OR8J1: variants seen among roughly 807,000 people sequenced by gnomAD.
OR8J1 encodes olfactory receptor 8J1.
For synonymous variants in OR8J1, 157 were observed against 144.3 expected, an observed-to-expected ratio of 1.09 and a Z score of -0.63; for missense variants, 400 against 373.0, an observed-to-expected ratio of 1.07 and a Z score of -0.60.
chr11:56,354,435 CATT>C (rs1379158597), intron 1 of OR8J1, 110 bp downstream of exon 1: 1 of 152,066 alleles, frequency 6.6e-6, no homozygotes, highest in Non-Finnish European at 1.5e-5. Context: ...TTTTAAAGCT[CATT>C]ATACAGAAAT....
intron 1 of OR8J1, chr11:56,358,005 T>C (rs1852581906): frequency 8.3e-6 from 7 of 844,848 alleles, no homozygotes; most frequent in Non-Finnish European, 1.3e-5. Context: ...TCTCTCAATA[T>C]ATAAAGAACA....
intron 1 of OR8J1, among the ~76,000 whole-genome samples, chr11:56,359,265 C>T (rs1256183029): frequency 6.6e-6 from 1 of 151,816 alleles, no homozygotes; most frequent in African/African-American, 2.4e-5. Flanking sequence ...ATTAAAATAG[C>T]ATTTAAATTC....
Position 56,359,924 on chromosome 11 carries a change from G to A in OR8J1, c.-20-303G>A, listed in dbSNP as rs957372340. Among the ~76,000 whole-genome samples the A allele has an allele frequency of 2.0e-5, 3 of 152,098 alleles. No individual in the cohort carries two copies. The East Asian group carries it at 5.8e-4, about 29-fold the overall frequency. ...CAAATGATATAAAATATTAATTGTG[G>A]CTTCAAATGTTTGCAAACTAAGAAT... On this transcript the variant is annotated intron_variant, in intron 1 of 1. Transcript: ENST00000533152.
Position 56,361,218 on chromosome 11 carries a change from T to C in OR8J1, c.*21T>C, listed in dbSNP as rs200839909. ...TGTAATTTTAAACAGTACAGGTAAA[T>C]GAGGAGAGAGTTAATATAAGCTGCC... On this transcript the variant is annotated 3_prime_UTR_variant, in exon 2 of 2. Coordinates refer to ENST00000533152, the MANE Select transcript of OR8J1 (RefSeq NM_001005205.3). 1 of 1,027,506 alleles carries C rather than the reference T, an allele frequency of 9.7e-7. No homozygotes were observed. Among genetic ancestry groups the C allele is most frequent in the African/African-American group, 1.6e-5 (1 of 60,918 alleles). 63.6% of individuals were successfully genotyped at this position (1,027,506 alleles called of 1,614,324 possible).
chr11:56,358,375 C>T (rs1186574272), intron 1 of OR8J1, among the ~76,000 whole-genome samples: 6 of 152,082 alleles, frequency 3.9e-5, no homozygotes, highest in Non-Finnish European at 8.8e-5. Flanking sequence ...ATTAAGACCC[C>T]CTACCCCCTC....
At chr11:56,357,516 G>C in intron 1 of OR8J1, 1 of 848,774 alleles carries the variant, frequency 1.2e-6, no homozygotes, top group South Asian at 1.3e-5. Flanking sequence ...TTGTCAGATT[G>C]CTTATGGCTG....
intron 1 of OR8J1, among the ~76,000 whole-genome samples, chr11:56,359,165 AC>A (rs1852600349): frequency 6.6e-6 from 1 of 152,108 alleles, no homozygotes; most frequent in Admixed American, 6.5e-5. Flanking sequence ...CAACAGGGGA[AC>A]TATAAATTGT....
At chr11:56,358,809 C>A (rs573572389) in intron 1 of OR8J1, among the ~76,000 whole-genome samples, 105 of 152,068 alleles carry the variant, frequency 6.9e-4, no homozygotes, top group African/African-American at 2.5e-3. Context: ...GTGAAGTTTG[C>A]ACGTTACCAG....
rs757798830 is a variant in OR8J1 at position 56,360,551 on chromosome 11, G to A, written c.305G>A (p.Gly102Glu). Residue 102 changes from glycine to glutamate, a missense_variant, in exon 2 of 2, where the codon GGA becomes GAA. Physicochemically the swap from Gly to Glu is moderately conservative, Grantham distance 98. Coordinates refer to ENST00000533152, the MANE Select transcript of OR8J1 (RefSeq NM_001005205.3). ...TTCTATGAATGTGCCACCCAACTGG[G>A]AGGGTTCTTGTTCTTTATTGTATCG... ...TSFYECATQL[G>E]GFLFFIVSEV... is the part of the protein sequence containing the mutation. The A allele has an allele frequency of 6.2e-7, 1 of 1,614,072 alleles. No homozygotes were observed. Among genetic ancestry groups the A allele is most frequent in the Non-Finnish European group, 8.5e-7 (1 of 1,180,008 alleles).
rs1012456098 is a variant in OR8J1 at position 56,360,610 on chromosome 11, C to T, written c.364C>T (p.Arg122Cys). ...CATGCTGGCTTTGATGGCCTATGAC[C>T]GCTATGTGGCTATTTGTAACCCTCT... ...VIMLALMAYD[R>C]YVAICNPLLY... The change falls in exon 2 of 2, where the codon CGC becomes TGC. Residue 122 changes from arginine to cysteine, a missense_variant. Physicochemically the swap from Arg to Cys is radical, Grantham distance 180. Coordinates refer to ENST00000533152, the MANE Select transcript of OR8J1 (RefSeq NM_001005205.3). 33 of 1,613,078 alleles carry T rather than the reference C, an allele frequency of 2.0e-5. No individual in the cohort carries two copies. In the Middle Eastern group the frequency reaches 9.9e-4, roughly 48 times the overall value.
At chr11:56,358,344 A>G (rs1852587735) in intron 1 of OR8J1, 2 of 164,918 alleles carry the variant, frequency 1.2e-5, no homozygotes, top group Admixed American at 1.2e-4. Context: ...TCCTTATTAT[A>G]ATCTATTCAC....
rs756653712 is a variant in OR8J1, at chr11:56,360,420, C to T, written c.174C>T (p.Pro58=). ...GTGTTGACTCTCGACTTCAAACCCCCATGTACTTTTTCCTGCAACATCTGG... is the reference window on the plus strand; with the variant it reads ...GTGTTGACTCTCGACTTCAAACCCCTATGTACTTTTTCCTGCAACATCTGG... ...LTSVDSRLQT[P]MYFFLQHLAL... The change falls in exon 2 of 2, where the codon CCC becomes CCT. Residue 58 remains proline (P), a synonymous_variant. Coordinates refer to ENST00000533152, the MANE Select transcript of OR8J1 (RefSeq NM_001005205.3). 1 of 1,614,148 alleles carries T rather than the reference C, an allele frequency of 6.2e-7. No homozygotes were observed. Among genetic ancestry groups the T allele is most frequent in the South Asian group, 1.1e-5 (1 of 91,084 alleles).
chr11:56,358,111 A>G, intron 1 of OR8J1: 2 of 492,842 alleles, frequency 4.1e-6, no homozygotes, highest in East Asian at 3.6e-5. Context: ...GACAGAAGTT[A>G]TGAAGAAGAG....
rs1341849684 is a variant in OR8J1 at position 56,360,731 on chromosome 11, A to G, written c.485A>G (p.Tyr162Cys). ...TCTACAGCTATTGTGGTTTCATCTT[A>G]TGTATTCTCTGTGTCTTATTGCTCT... ...GFSTAIVVSSYVFSVSYCSSN... is the reference protein window; with the variant it reads ...GFSTAIVVSSCVFSVSYCSSN... Residue 162 changes from tyrosine (Y) to cysteine (C), a missense_variant, in exon 2 of 2, where the codon TAT becomes TGT. Coordinates refer to ENST00000533152, the MANE Select transcript of OR8J1 (RefSeq NM_001005205.3). The G allele has an allele frequency of 1.9e-6, 3 of 1,607,966 alleles. No homozygotes were observed. In the East Asian group the frequency reaches 6.7e-5, roughly 36 times the overall value.
In OR8J1 at chr11:56,360,866, T is replaced by C. The variant is rs1852628806; in HGVS notation, c.620T>C (p.Val207Ala). The C allele has an allele frequency of 6.6e-7, 1 of 1,509,526 alleles. No homozygotes were observed. The highest frequency in any genetic ancestry group is 8.8e-7 in the Non-Finnish European group (1 of 1,134,374). The allele number at this position is 1,509,526 out of a possible 1,614,324, so 93.5% of individuals were successfully genotyped here. Residue 207 changes from valine to alanine, a missense_variant, in exon 2 of 2, where the codon GTG (valine) becomes GCG (alanine). Val to Ala is a moderately conservative substitution (Grantham distance 64). Transcript: ENST00000533152. Reference protein sequence around the residue: ...TVVFISAATNVVGSLIIVLVS... With the variant: ...TVVFISAATNAVGSLIIVLVS... ...GTCTTTATATCTGCAGCAACAAATG[T>C]GGTTGGTTCCTTGATTATAGTTCTA...
In OR8J1 at chr11:56,361,147, G is replaced by A. The variant is rs755517175; in HGVS notation, c.901G>A (p.Ala301Thr). 1 of 1,441,138 alleles carries A rather than the reference G, an allele frequency of 6.9e-7. No homozygotes were observed. The highest frequency in any genetic ancestry group is 1.8e-5 in the South Asian group (1 of 54,484). 89.3% of individuals were successfully genotyped at this position (1,441,138 alleles called of 1,614,324 possible). Residue 301 changes from alanine to threonine, a missense_variant, in exon 2 of 2, where the codon GCT (alanine) becomes ACT (threonine). Transcript: ENST00000533152. ...CCTGAGGAATAAGGATGTGAAGACT[G>A]CTCTACAGAGATTCATGACAAATCT... ...YSLRNKDVKT[A>T]LQRFMTNLCY...
Position 56,360,701 on chromosome 11 carries a change from G to A in OR8J1, c.455G>A (p.Gly152Asp). The A allele has an allele frequency of 6.2e-7, 1 of 1,611,770 alleles. No homozygotes were observed. Among genetic ancestry groups the A allele is most frequent in the South Asian group, 1.1e-5 (1 of 90,874 alleles). Residue 152 changes from glycine (G) to aspartate (D), a missense_variant, in exon 2 of 2, where the codon GGC becomes GAC. Gly to Asp is a moderately conservative substitution (Grantham distance 94). Transcript: ENST00000533152. ...CTGGTCTCCCTCACATACCTCTATG[G>A]CTTTTCTACAGCTATTGTGGTTTCA... ...LLLVSLTYLYGFSTAIVVSSY... is the reference protein window; with the variant it reads ...LLLVSLTYLYDFSTAIVVSSY...
intron 1 of OR8J1, chr11:56,357,560 T>C: frequency 6.5e-6 from 6 of 919,050 alleles, no homozygotes; most frequent in Non-Finnish European, 8.9e-6. Context: ...GCGCGGCACA[T>C]GCACACGAAC....
chr11:56,357,192 C>T (rs1364702594), intron 1 of OR8J1: 1 of 223,480 alleles, frequency 4.5e-6, no homozygotes, highest in Non-Finnish European at 8.7e-6. Flanking sequence ...ATTATCTTTA[C>T]AACAAGAGTA....
Sources: gnomAD v4.1 joint callset for allele counts (sites outside exome capture counted in the v4.1 genomes callset) on GRCh38, gnomAD v4.1.1 for gene constraint, MANE v1.5 for transcripts, NCBI Gene and HGNC (gene_info 2026-07-23, HGNC 2026-07-21) for gene names.